Variants in SGCD observed in about 807,000 individuals in gnomAD.
SGCD encodes sarcoglycan delta, also known as delta-sarcoglycan.
A neutral mutation model predicts 36.6 loss-of-function variants in SGCD; 18 were observed. That is an observed-to-expected ratio of 0.49 (90% CI 0.34 to 0.73). The LOEUF (loss-of-function observed/expected upper bound fraction) is 0.73. Ranked by LOEUF, SGCD falls within the 30% of genes least tolerant of loss-of-function variation. The probability of loss-of-function intolerance (pLI) is 0.01; values close to 1 mark genes in which losing one functional copy is unlikely to be tolerated. For synonymous variants in SGCD, 133 were observed against 130.6 expected, an observed-to-expected ratio of 1.02 and a Z score of -0.12; for missense variants, 387 against 346.7, an observed-to-expected ratio of 1.12 and a Z score of -0.92.
the SGCD span, among the ~76,000 whole-genome samples, chr5:155,742,597 A>G: frequency 3.9e-5 from 6 of 152,364 alleles, no homozygotes; most frequent in South Asian, 1.2e-3. Context: ...TTCAGACGTT[A>G]CAAGCCTCAA....
Position 156,629,611 on chromosome 5 carries a change from G to A in SGCD, c.503-17853G>A, listed in dbSNP as rs538174294. Among the ~76,000 whole-genome samples the A allele has an allele frequency of 5.3e-5, 8 of 152,258 alleles. No homozygotes were observed. The East Asian group carries it at 1.4e-3, about 26-fold the overall frequency. On this transcript the variant is annotated intron_variant, in intron 6 of 8. Transcript: ENST00000337851. Reference sequence around the variant, plus strand: ...AGGATACAAAGATGCAATAATCTAGGCCAGGGATCTTTTACACAAAGGGCC... The same window carrying A: ...AGGATACAAAGATGCAATAATCTAGACCAGGGATCTTTTACACAAAGGGCC...
chr5:156,176,217 T>C (rs1413310171), intron 3 of SGCD, among the ~76,000 whole-genome samples: 2 of 152,068 alleles, frequency 1.3e-5, no homozygotes, highest in East Asian at 3.9e-4. Flanking sequence ...TACTGAATAG[T>C]AGTGCGTTCT....
chr5:156,222,014 T>C (rs1438870178), intron 3 of SGCD, among the ~76,000 whole-genome samples: 1 of 152,000 alleles, frequency 6.6e-6, no homozygotes, highest in Non-Finnish European at 1.5e-5. Flanking sequence ...ACTGGATGTA[T>C]TTGAGGGTCT....
At chr5:156,038,761 C>T (rs1759560094) in intron 1 of SGCD, among the ~76,000 whole-genome samples, 1 of 152,148 alleles carries the variant, frequency 6.6e-6, no homozygotes, top group Admixed American at 6.6e-5. Flanking sequence ...CCTTGGGGAT[C>T]TTTGCACTGT....
At chr5:156,545,403 C>A (rs1489958185) in intron 4 of SGCD, among the ~76,000 whole-genome samples, 1 of 151,966 alleles carries the variant, frequency 6.6e-6, no homozygotes, top group Non-Finnish European at 1.5e-5. Context: ...TGTCATCTAG[C>A]ACAGCAGACC....
chr5:155,896,666 T>C (rs1407916609), intron 1 of SGCD, among the ~76,000 whole-genome samples: 2 of 151,128 alleles, frequency 1.3e-5, no homozygotes, highest in East Asian at 3.9e-4. Flanking sequence ...AAGACAATAA[T>C]AACAATTTTA....
chr5:156,287,425 C>T (rs1179334864), intron 3 of SGCD, among the ~76,000 whole-genome samples: 1 of 151,798 alleles, frequency 6.6e-6, no homozygotes, highest in Non-Finnish European at 1.5e-5. Flanking sequence ...CGCATGAAAC[C>T]GAAGGAACAG....
intron 3 of SGCD, among the ~76,000 whole-genome samples, chr5:156,192,394 C>T (rs1369528548): frequency 6.6e-6 from 1 of 152,010 alleles, no homozygotes; most frequent in African/African-American, 2.4e-5. Flanking sequence ...ATCATGTGTT[C>T]TCACTCATAT....
chr5:155,902,304 G>T (rs1478046031), intron 1 of SGCD, among the ~76,000 whole-genome samples: 3 of 152,104 alleles, frequency 2.0e-5, no homozygotes, highest in African/African-American at 7.2e-5. Context: ...TAATTCAACT[G>T]ATTTATTGGT....
chr5:156,399,482 G>A (rs932331812), intron 3 of SGCD, among the ~76,000 whole-genome samples: 1 of 152,202 alleles, frequency 6.6e-6, no homozygotes. Context: ...AGGATATCCA[G>A]TGTGGCTTTA....
chr5:156,730,719 T>C (rs1489242379), intron 7 of SGCD, among the ~76,000 whole-genome samples: 1 of 152,208 alleles, frequency 6.6e-6, no homozygotes, highest in African/African-American at 2.4e-5. Context: ...GAATAATTTA[T>C]ATTCCTGTGG....
At chr5:155,802,099 G>C in the SGCD span, among the ~76,000 whole-genome samples, 1 of 152,210 alleles carries the variant, frequency 6.6e-6, no homozygotes, top group Non-Finnish European at 1.5e-5. Flanking sequence ...GTCAGATGAA[G>C]TGTTTTTCCC....
intron 1 of SGCD, among the ~76,000 whole-genome samples, chr5:156,113,435 C>T (rs914522381): frequency 6.6e-6 from 1 of 152,100 alleles, no homozygotes; most frequent in Admixed American, 6.6e-5. Context: ...AATTCCTGAC[C>T]TCAGAGATCT....
chr5:156,214,269 A>C (rs1266746536), intron 3 of SGCD, among the ~76,000 whole-genome samples: 2 of 152,038 alleles, frequency 1.3e-5, no homozygotes, highest in African/African-American at 4.8e-5. Flanking sequence ...ACAGGATACC[A>C]AATCAACCTA....
At chr5:156,555,301 A>G (rs967548817) in intron 4 of SGCD, among the ~76,000 whole-genome samples, 5 of 152,284 alleles carry the variant, frequency 3.3e-5, no homozygotes, top group South Asian at 2.1e-4. Context: ...GCCTAATCCA[A>G]TGGCAAGCAC....
chr5:156,298,782 T>C (rs1766971394), intron 3 of SGCD, among the ~76,000 whole-genome samples: 1 of 152,112 alleles, frequency 6.6e-6, no homozygotes, highest in Non-Finnish European at 1.5e-5. Flanking sequence ...TTGCTCATTT[T>C]TAATTAGATT....
the SGCD span, among the ~76,000 whole-genome samples, chr5:155,810,763 G>T: frequency 2.1e-5 from 3 of 141,526 alleles, no homozygotes; most frequent in African/African-American, 5.2e-5. Context: ...GTGGAGGAGA[G>T]AGGTTTTCTC....
At chr5:156,511,204 TAAC>T (rs1475518960) in intron 4 of SGCD, among the ~76,000 whole-genome samples, 2 of 152,212 alleles carry the variant, frequency 1.3e-5, no homozygotes, top group Non-Finnish European at 2.9e-5. Flanking sequence ...TACATGTTTC[TAAC>T]AACAAAAGAA....
intron 3 of SGCD, among the ~76,000 whole-genome samples, chr5:156,215,142 C>A (rs1468187954): frequency 1.3e-5 from 2 of 152,006 alleles, no homozygotes; most frequent in African/African-American, 2.4e-5. Context: ...ACTGTTAAAT[C>A]TAATGCAAAT....
Sources: allele counts gnomAD v4.1 joint callset (sites outside exome capture counted in the v4.1 genomes callset), GRCh38; gene constraint gnomAD v4.1.1; transcripts MANE v1.5; gene names NCBI Gene and HGNC (gene_info 2026-07-23, HGNC 2026-07-21).